Variants in BRF1 observed in about 807,000 individuals in gnomAD.
The protein encoded by BRF1 is BRF1 general transcription factor IIIB subunit, also known as transcription factor IIIB 90 kDa subunit.
BRF1 carries 59 observed loss-of-function variants against 81.7 expected under a neutral mutation model. That is an observed-to-expected ratio of 0.72 (90% confidence interval 0.59 to 0.90). The LOEUF is 0.90. BRF1 is among the 40% of genes least tolerant of loss of function. BRF1 has a pLI of 0.00. For synonymous variants in BRF1, 491 were observed against 395.6 expected (o/e 1.24, Z -2.86); for missense variants, 1,050 against 936.3 (o/e 1.12, Z -1.58).
chr14:105,300,122 A>T (rs1270129656), intron 1 of BRF1, among the ~76,000 whole-genome samples: 1 of 152,240 alleles, frequency 6.6e-6, no homozygotes. Context: ...GCTGAAAACA[A>T]AACTGCAGGC....
intron 1 of BRF1, among the ~76,000 whole-genome samples, chr14:105,306,300 T>C (rs2058184309): frequency 1.3e-5 from 2 of 152,034 alleles, no homozygotes; most frequent in African/African-American, 4.8e-5. Flanking sequence ...TGTTTTGTTT[T>C]GTTTTGTTTT....
Position 105,300,577 on chromosome 14 carries a change from G to A in BRF1, c.53C>T (p.Ala18Val). The A allele has an allele frequency of 1.3e-6, 2 of 1,489,498 alleles. No homozygotes were observed. The highest frequency in any genetic ancestry group is 1.3e-5 in the South Asian group (1 of 78,278). The allele number at this position is 1,489,498 out of a possible 1,614,324, so 92.3% of individuals were successfully genotyped here. A position where few individuals can be genotyped will look rare whatever the true frequency, so the allele number is the denominator to read the frequency against. ...GGTGCACACCGCGTCCCCGCGCGCC[G>A]CGTCCAGCTCGATGTCCGTGCCGCC... is the stretch of plus-strand genomic sequence containing the variant. The part of the protein sequence containing the change: ...GCGGTDIELD[A>V]ARGDAVCTAC... The change falls in exon 1 of 18, where the codon GCG (alanine) becomes GTG (valine). Residue 18 changes from alanine (A) to valine (V), a missense_variant. Physicochemically the swap from Ala to Val is moderately conservative, Grantham distance 64. Coordinates refer to ENST00000547530, the MANE Select transcript of BRF1 (RefSeq NM_001519.4).
intron 5 of BRF1, chr14:105,248,617 C>G (rs2055327235): frequency 1.0e-6 from 1 of 975,862 alleles, no homozygotes; most frequent in Non-Finnish European, 1.2e-6. Context: ...CGGGCCTGGC[C>G]GGGCTGCGCT....
intron 1 of BRF1, among the ~76,000 whole-genome samples, chr14:105,297,923 G>C (rs184942304): frequency 6.6e-6 from 1 of 152,356 alleles, no homozygotes; most frequent in East Asian, 1.9e-4. Context: ...GTGAAGCCAG[G>C]AGGCGGAGCT....
intron 6 of BRF1, among the ~76,000 whole-genome samples, chr14:105,229,663 CCGTGG>C (rs2054418772): frequency 6.7e-6 from 1 of 150,334 alleles, no homozygotes. Context: ...CCTGGCAGCC[CCGTGG>C]CACCCTCAGG....
Position 105,246,014 on chromosome 14 carries a change from T to C in BRF1, c.545-4600A>G, listed in dbSNP as rs139264059. ...AATGGAAGAGACTATGTGCAAACCATCTATCTCATAAGGGGTTAACAGCCT... is the reference window on the plus strand; with the variant it reads ...AATGGAAGAGACTATGTGCAAACCACCTATCTCATAAGGGGTTAACAGCCT... On this transcript the variant is annotated intron_variant, in intron 5 of 17. Transcript: ENST00000547530. Among the ~76,000 whole-genome samples, 1,149 of 152,270 alleles carry C rather than the reference T, an allele frequency of 7.5e-3. 10 individuals carry two copies. Among genetic ancestry groups the C allele is most frequent in the African/African-American group, 0.026 (1,075 of 41,554 alleles).
intron 2 of BRF1, among the ~76,000 whole-genome samples, chr14:105,278,623 T>C (rs934209959): frequency 1.3e-5 from 2 of 152,026 alleles, no homozygotes; most frequent in African/African-American, 4.8e-5. Flanking sequence ...AAGAAATTTC[T>C]GGCAGGGTGC....
chr14:105,296,017 G>T (rs10142713), intron 1 of BRF1, among the ~76,000 whole-genome samples: 5,514 of 147,094 alleles, frequency 0.037, 347 homozygotes, highest in African/African-American at 0.13. Flanking sequence ...GGAGGGGGAG[G>T]TTGCAGTGAG....
At position 105,261,931 on chromosome 14, in the gene BRF1, C is replaced by T. The variant is rs928165380; in HGVS notation, c.440-5382G>A. On this transcript the variant is annotated intron_variant, in intron 3 of 17. Coordinates refer to ENST00000547530, the MANE Select transcript of BRF1 (RefSeq NM_001519.4). The stretch of plus-strand genomic sequence containing the variant: ...GCCCCTACCCAGTGCCACTCCCCTT[C>T]TGCAGGCCCCCCCTGCTCTGAGTGC... 7.2e-5 allele frequency among the ~76,000 whole-genome samples: 11 copies of T among 152,214 alleles called. 1 individual carries two copies. The South Asian group carries it at 1.9e-3, about 26-fold the overall frequency.
At chr14:105,259,757 A>C (rs587657803) in intron 3 of BRF1, among the ~76,000 whole-genome samples, 1 of 152,150 alleles carries the variant, frequency 6.6e-6, no homozygotes, top group South Asian at 2.1e-4. Flanking sequence ...AAAAATACAA[A>C]AGATGAGCTG....
At chr14:105,279,443 C>T (rs2056978428) in intron 2 of BRF1, among the ~76,000 whole-genome samples, 1 of 152,178 alleles carries the variant, frequency 6.6e-6, no homozygotes, top group African/African-American at 2.4e-5. Flanking sequence ...AGCCAAGAAG[C>T]ATGAGCAAAG....
chr14:105,290,719 C>A (rs934896574), intron 1 of BRF1, among the ~76,000 whole-genome samples: 2 of 152,062 alleles, frequency 1.3e-5, no homozygotes, highest in African/African-American at 4.8e-5. Context: ...CTCCCTCCTC[C>A]ATCACTCTGT....
intron 16 of BRF1, 162 bp from the exon 17 acceptor site, chr14:105,211,455 G>C: frequency 1.6e-6 from 1 of 626,948 alleles, no homozygotes; most frequent in Non-Finnish European, 2.7e-6. Context: ...GCCCCTTCTG[G>C]CCTCCTGGGG....
chr14:105,229,221 C>T (rs587707071), intron 6 of BRF1, among the ~76,000 whole-genome samples: 9 of 152,342 alleles, frequency 5.9e-5, no homozygotes, highest in Non-Finnish European at 2.9e-5. Flanking sequence ...GTGCGGGAAA[C>T]ACAGCTTGTG....
At chr14:105,256,604 C>T (rs1350387206) in intron 3 of BRF1, 55 bp from the exon 4 acceptor site, 7 of 1,601,040 alleles carry the variant, frequency 4.4e-6, no homozygotes, top group Non-Finnish European at 5.1e-6. Context: ...GTTACTCGCC[C>T]ACCTTCAAAT....
intron 16 of BRF1, 155 bp downstream of exon 16, chr14:105,211,958 C>G: frequency 8.6e-7 from 1 of 1,169,372 alleles, no homozygotes; most frequent in Non-Finnish European, 1.2e-6. Context: ...CCTCGGGCCT[C>G]GATTCTCTGG....
In BRF1 at chr14:105,210,528, A is replaced by ACT; in HGVS notation, c.*22_*23insAG. 6.2e-7 allele frequency: 1 copy of ACT among 1,609,866 alleles called. No homozygotes were observed. Among genetic ancestry groups the ACT allele is most frequent in the South Asian group, 1.1e-5 (1 of 90,958 alleles). On this transcript the variant is annotated 3_prime_UTR_variant, in exon 18 of 18. Transcript: ENST00000547530. The surrounding 1 kb of genome is among the most constrained non-coding windows in gnomAD (Gnocchi z 4.7). ...GACCCGCGAGGCCCCCTGCCAGGAC[A>ACT]TCACCTGCCTGGAGGCCACACTTCA...
chr14:105,229,098 A>G (rs898795923), intron 6 of BRF1, among the ~76,000 whole-genome samples, 185 bp from the exon 7 acceptor site: 1 of 152,208 alleles, frequency 6.6e-6, no homozygotes, highest in South Asian at 2.1e-4. Flanking sequence ...TCTCTATCTT[A>G]TTGTGGGTGG....
At chr14:105,299,742 G>A (rs997188828) in intron 1 of BRF1, among the ~76,000 whole-genome samples, 3 of 152,140 alleles carry the variant, frequency 2.0e-5, no homozygotes, top group African/African-American at 4.8e-5. Flanking sequence ...TAAAAACATC[G>A]ACAACACCAA....
Sources: allele counts gnomAD v4.1 joint callset (sites outside exome capture counted in the v4.1 genomes callset), GRCh38; gene constraint gnomAD v4.1.1; non-coding constraint Gnocchi (gnomAD v3.1); transcripts MANE v1.5; gene names NCBI Gene and HGNC (gene_info 2026-07-23, HGNC 2026-07-21).